Variants in NXPE4 observed in about 807,000 individuals in gnomAD.
NXPE4 encodes the protein neurexophilin and PC-esterase domain family member 4.
A neutral mutation model predicts 33.3 loss-of-function variants in NXPE4; 42 were observed. The ratio of observed to expected loss-of-function variants is 1.26; its 90% CI spans 0.98 to 1.63. The LOEUF (loss-of-function observed/expected upper bound fraction) is 1.63, where lower values mean the gene tolerates loss of function less well. NXPE4 is among the 40% of genes most tolerant of loss of function. NXPE4 has a pLI of 0.00. For missense variants in NXPE4, 709 were observed against 647.6 expected, an observed-to-expected ratio of 1.09 and a Z score of -1.03; for synonymous variants, 253 against 234.9, an observed-to-expected ratio of 1.08 and a Z score of -0.71.
At chr11:114,584,059 T>C (rs1218816383) in intron 2 of NXPE4, 3 of 312,648 alleles carry the variant, frequency 9.6e-6, no homozygotes, top group African/African-American at 4.3e-5. Context: ...TGTCTAGGGG[T>C]CACTTAGATT....
At chr11:114,634,147 T>C in the NXPE4 span, among the ~76,000 whole-genome samples, 1 of 151,658 alleles carries the variant, frequency 6.6e-6, no homozygotes, top group Non-Finnish European at 1.5e-5. Context: ...TTTTTAATGA[T>C]TGCCATTCTA....
At chr11:114,589,835 C>A (rs977821401) in intron 2 of NXPE4, among the ~76,000 whole-genome samples, 1 of 152,048 alleles carries the variant, frequency 6.6e-6, no homozygotes, top group Non-Finnish European at 1.5e-5. Flanking sequence ...CCCTACAACA[C>A]CCCAATATTA....
At chr11:114,644,028 G>A in the NXPE4 span, among the ~76,000 whole-genome samples, 1 of 151,682 alleles carries the variant, frequency 6.6e-6, no homozygotes, top group Non-Finnish European at 1.5e-5. Flanking sequence ...TGCAGCAATT[G>A]TGAATGGGAG....
chr11:114,615,986 A>G, the NXPE4 span, among the ~76,000 whole-genome samples: 7 of 148,400 alleles, frequency 4.7e-5, no homozygotes, highest in Admixed American at 4.7e-4. Context: ...CTCTCGTGGA[A>G]AAGCACTGTG....
the NXPE4 span, among the ~76,000 whole-genome samples, chr11:114,632,151 T>C: frequency 7.0e-6 from 1 of 143,290 alleles, no homozygotes; most frequent in East Asian, 2.0e-4. Context: ...TTTATTATGT[T>C]ATAAATAAAA....
chr11:114,607,113 AC>A, the NXPE4 span, among the ~76,000 whole-genome samples: 2 of 151,802 alleles, frequency 1.3e-5, no homozygotes, highest in Admixed American at 1.3e-4. Flanking sequence ...AACCACTGTT[AC>A]CCGGTTTATA....
chr11:114,618,885 C>A, the NXPE4 span, among the ~76,000 whole-genome samples: 1 of 152,116 alleles, frequency 6.6e-6, no homozygotes, highest in East Asian at 1.9e-4. Flanking sequence ...TGGGTCACCA[C>A]TGTTACCCGG....
At chr11:114,655,283 A>C in the NXPE4 span, among the ~76,000 whole-genome samples, 1 of 152,004 alleles carries the variant, frequency 6.6e-6, no homozygotes, top group African/African-American at 2.4e-5. Context: ...TTGCTTGTTC[A>C]CTCTGATGAT....
At chr11:114,640,773 A>G in the NXPE4 span, among the ~76,000 whole-genome samples, 1 of 151,968 alleles carries the variant, frequency 6.6e-6, no homozygotes. Flanking sequence ...ATGTGTGTCC[A>G]TGTAATTTAC....
At chr11:114,575,708 A>T (rs1195140195) in intron 5 of NXPE4, among the ~76,000 whole-genome samples, 2 of 152,220 alleles carry the variant, frequency 1.3e-5, no homozygotes, top group Non-Finnish European at 2.9e-5. Flanking sequence ...AGATGACATG[A>T]ATAAATGGAA....
At chr11:114,652,846 T>C in the NXPE4 span, among the ~76,000 whole-genome samples, 1 of 152,218 alleles carries the variant, frequency 6.6e-6, no homozygotes, top group East Asian at 1.9e-4. Context: ...CGCATTCAGC[T>C]AGAGCATTTT....
the NXPE4 span, among the ~76,000 whole-genome samples, chr11:114,636,962 G>T: frequency 6.6e-6 from 1 of 152,174 alleles, no homozygotes; most frequent in Non-Finnish European, 1.5e-5. Context: ...GGAGAGTTCT[G>T]TAGATGTCTA....
Position 114,571,478 on chromosome 11 carries a change from T to A in NXPE4, c.1100-5A>T. The A allele has an allele frequency of 1.3e-6, 2 of 1,589,582 alleles. No individual in the cohort carries two copies. The highest frequency in any genetic ancestry group is 1.7e-6 in the Non-Finnish European group (2 of 1,165,302). On this transcript the variant is annotated splice_polypyrimidine_tract_variant and splice_region_variant and intron_variant, in intron 5 of 5. Coordinates refer to ENST00000375478, the MANE Select transcript of NXPE4 (RefSeq NM_001077639.2). The stretch of plus-strand genomic sequence containing the variant: ...GCAGATCCACTGACTTCAGTGCTGA[T>A]AACAAATAGGCAATCCCAAAATAAA...
chr11:114,638,667 A>G, the NXPE4 span, among the ~76,000 whole-genome samples: 1 of 151,906 alleles, frequency 6.6e-6, no homozygotes, highest in East Asian at 1.9e-4. Context: ...TCTGTTTGTT[A>G]GTTTTCTTTC....
At chr11:114,621,246 G>A in the NXPE4 span, among the ~76,000 whole-genome samples, 1 of 152,150 alleles carries the variant, frequency 6.6e-6, no homozygotes, top group African/African-American at 2.4e-5. Context: ...GTTACCCGGT[G>A]GATAATACGT....
the NXPE4 span, among the ~76,000 whole-genome samples, chr11:114,616,636 A>C: frequency 2.6e-5 from 4 of 151,664 alleles, no homozygotes; most frequent in South Asian, 8.3e-4. Context: ...CCACTGGATA[A>C]TAAATGTTGC....
the NXPE4 span, among the ~76,000 whole-genome samples, chr11:114,633,223 T>C: frequency 1.5e-5 from 2 of 133,036 alleles, no homozygotes; most frequent in South Asian, 2.2e-4. Flanking sequence ...ACATTATATA[T>C]ATAAATATAT....
chr11:114,578,005 A>G (rs2135206388), intron 5 of NXPE4, among the ~76,000 whole-genome samples: 1 of 152,316 alleles, frequency 6.6e-6, no homozygotes, highest in East Asian at 1.9e-4. Flanking sequence ...TTTAATTGAC[A>G]CATGAATAGA....
the NXPE4 span, among the ~76,000 whole-genome samples, chr11:114,634,324 T>C: frequency 6.6e-6 from 1 of 152,124 alleles, no homozygotes; most frequent in Non-Finnish European, 1.5e-5. Context: ...GTTATTTTCT[T>C]GTAAATTTGT....
Sources: allele counts gnomAD v4.1 joint callset (sites outside exome capture counted in the v4.1 genomes callset), GRCh38; gene constraint gnomAD v4.1.1; transcripts MANE v1.5; gene names NCBI Gene and HGNC (gene_info 2026-07-23, HGNC 2026-07-21).